The following COL14A1 variants were observed in gnomAD, a reference collection of about 807,000 sequenced individuals.
The protein encoded by COL14A1 is collagen alpha-1(XIV) chain.
Under a neutral mutation model 230.3 loss-of-function variants are expected in COL14A1, and 136 were observed. The ratio of observed to expected loss-of-function variants is 0.59; its 90% CI spans 0.51 to 0.68. The LOEUF is 0.68. Among genes scored for constraint, COL14A1 ranks in the 30% least tolerant of loss-of-function variants. The pLI, the probability that COL14A1 is intolerant of heterozygous loss-of-function variation, is 0.00. For synonymous variants in COL14A1, 792 were observed against 784.1 expected (o/e 1.01, Z -0.17); for missense variants, 1,976 against 2,215.8 (o/e 0.89, Z 2.17).
At chr8:120,220,910 C>T (rs1817915251) in intron 14 of COL14A1, among the ~76,000 whole-genome samples, 1 of 152,104 alleles carries the variant, frequency 6.6e-6, no homozygotes, top group Admixed American at 6.6e-5. Context: ...ATAATGGTGG[C>T]TAACATTTGT....
At chr8:120,238,026 C>T (rs753798778) in intron 19 of COL14A1, among the ~76,000 whole-genome samples, 1 of 152,114 alleles carries the variant, frequency 6.6e-6, no homozygotes, top group African/African-American at 2.4e-5. Flanking sequence ...CCAGCTGGAG[C>T]TCTCCTGTAT....
At chr8:120,356,654 A>G (rs569938811) in intron 45 of COL14A1, among the ~76,000 whole-genome samples, 1 of 152,202 alleles carries the variant, frequency 6.6e-6, no homozygotes, top group East Asian at 1.9e-4. Context: ...GAAAAAGTAC[A>G]GGATAACATA....
At chr8:120,273,503 A>G (rs1819737706) in intron 26 of COL14A1, among the ~76,000 whole-genome samples, 1 of 151,766 alleles carries the variant, frequency 6.6e-6, no homozygotes, top group Non-Finnish European at 1.5e-5. Context: ...GAAACAAAAA[A>G]TTGGTTCTTT....
rs539511765 is a variant in COL14A1, at chr8:120,203,250, A to G, written c.878-459A>G. Among the ~76,000 whole-genome samples the G allele has an allele frequency of 2.0e-5, 3 of 151,896 alleles. No individual in the cohort carries two copies. The South Asian group carries it at 6.3e-4, about 32-fold the overall frequency. Reference sequence around the variant, plus strand: ...TGATTTCTGTAAAAAGCAATCTCACATGAAATGTTCCTCTTTAAAGTGGCA... The same window carrying G: ...TGATTTCTGTAAAAAGCAATCTCACGTGAAATGTTCCTCTTTAAAGTGGCA... On this transcript the variant is annotated intron_variant, in intron 8 of 47. Coordinates refer to ENST00000297848, the MANE Select transcript of COL14A1 (RefSeq NM_021110.4).
At chr8:120,258,715 C>A (rs1819238206) in intron 23 of COL14A1, among the ~76,000 whole-genome samples, 1 of 152,122 alleles carries the variant, frequency 6.6e-6, no homozygotes, top group Non-Finnish European at 1.5e-5. Context: ...CTCAGTCATC[C>A]ATTTGCCAAA....
intron 32 of COL14A1, 107 bp downstream of exon 32, chr8:120,283,885 T>C (rs1293671884): frequency 2.4e-6 from 2 of 819,476 alleles, no homozygotes; most frequent in Non-Finnish European, 3.8e-6. Context: ...ACTAATCTTA[T>C]GTGATGTGTA....
intron 4 of COL14A1, among the ~76,000 whole-genome samples, chr8:120,166,877 T>TGTGTG (rs1169549268): frequency 5.1e-5 from 5 of 98,386 alleles, no homozygotes; most frequent in Non-Finnish European, 9.9e-5. Flanking sequence ...AGAATTTAAG[T>TGTGTG]GTGTGTGTGT....
chr8:120,137,776 A>G lies in COL14A1; in HGVS notation c.-37-10030A>G, dbSNP rs552968907. ...GAATTTATAAAGATATTTTATTATT[A>G]TTCATTTTTTTTTAATTAGATGAGG... is the stretch of plus-strand genomic sequence containing the variant. On this transcript the variant is annotated intron_variant, in intron 1 of 47. Transcript: ENST00000297848. Among the ~76,000 whole-genome samples the G allele has an allele frequency of 4.0e-5, 6 of 151,830 alleles. No individual in the cohort carries two copies. The South Asian group carries it at 1.2e-3, about 32-fold the overall frequency.
intron 40 of COL14A1, among the ~76,000 whole-genome samples, chr8:120,323,852 A>T (rs1459604423): frequency 6.6e-6 from 1 of 152,208 alleles, no homozygotes; most frequent in African/African-American, 2.4e-5. Flanking sequence ...ATGAAGTGTG[A>T]TGCCTCCAGC....
rs530196678 is a variant in COL14A1 at position 120,154,756 on chromosome 8, G to T, written c.89-3374G>T. On this transcript the variant is annotated intron_variant, in intron 2 of 47. Coordinates refer to ENST00000297848, the MANE Select transcript of COL14A1 (RefSeq NM_021110.4). ...ATTTTTCAGTCAAGTTCATGCAAAC[G>T]TTTATAATTATTAATGGAAGTTAAG... 1.8e-4 allele frequency among the ~76,000 whole-genome samples: 27 copies of T among 152,068 alleles called. No homozygotes were observed. In the East Asian group the frequency reaches 4.6e-3, roughly 26 times the overall value.
At chr8:120,228,558 C>A (rs1818163893) in intron 17 of COL14A1, 152 bp from the exon 18 acceptor site, 6 of 591,362 alleles carry the variant, frequency 1.0e-5, no homozygotes, top group South Asian at 4.7e-5. Context: ...GCCTTACTTA[C>A]AATTCATTTC....
At chr8:120,134,921 G>A (rs1159458413) in intron 1 of COL14A1, among the ~76,000 whole-genome samples, 12 of 152,208 alleles carry the variant, frequency 7.9e-5, no homozygotes, top group Non-Finnish European at 1.8e-4. Context: ...ATTGCAGCGA[G>A]CCAAGATTGC....
intron 14 of COL14A1, among the ~76,000 whole-genome samples, chr8:120,221,643 T>C (rs1471005203): frequency 6.6e-6 from 1 of 152,132 alleles, no homozygotes; most frequent in African/African-American, 2.4e-5. Context: ...ACCTAGATTT[T>C]AACTGCTTTT....
chr8:120,368,619 A>C (rs1201832737), intron 46 of COL14A1, among the ~76,000 whole-genome samples: 1 of 152,170 alleles, frequency 6.6e-6, no homozygotes, highest in African/African-American at 2.4e-5. Flanking sequence ...AAAAAAAAAA[A>C]AAAACATGCT....
chr8:120,200,373 T>G (rs1021850870), intron 8 of COL14A1, among the ~76,000 whole-genome samples: 1 of 152,066 alleles, frequency 6.6e-6, no homozygotes, highest in Non-Finnish European at 1.5e-5. Context: ...TGCATTTATC[T>G]TTCTGCATTT....
chr8:120,258,534 G>C (rs1819229543), intron 23 of COL14A1, among the ~76,000 whole-genome samples: 1 of 152,028 alleles, frequency 6.6e-6, no homozygotes, highest in South Asian at 2.1e-4. Flanking sequence ...TAAAGACCAA[G>C]ACTGAGGAGG....
Position 120,366,718 on chromosome 8 carries a change from C to T in COL14A1, c.5078-453C>T, listed in dbSNP as rs950588570. 7.9e-5 allele frequency among the ~76,000 whole-genome samples: 12 copies of T among 152,336 alleles called. No individual in the cohort carries two copies. The South Asian group carries it at 8.3e-4, about 11-fold the overall frequency. On this transcript the variant is annotated intron_variant, in intron 45 of 47. Coordinates refer to ENST00000297848, the MANE Select transcript of COL14A1 (RefSeq NM_021110.4). ...GCTTCCAAGTTTTAATGGAAACTCA[C>T]GCTCTTCAGAATGTTGCTGCCTAAT...
chr8:120,262,727 C>G (rs1586814155), intron 23 of COL14A1, 141 bp from the exon 24 acceptor site: 1 of 739,282 alleles, frequency 1.4e-6, no homozygotes, highest in East Asian at 2.9e-5. Flanking sequence ...AGATACAATA[C>G]TTCAAACAAA....
intron 19 of COL14A1, among the ~76,000 whole-genome samples, chr8:120,237,314 A>C (rs1818476781): frequency 6.6e-6 from 1 of 151,980 alleles, no homozygotes; most frequent in Admixed American, 6.6e-5. Context: ...ATTCCTTTTC[A>C]TTATTTTTTC....
Sources: gnomAD v4.1 joint callset for allele counts (sites outside exome capture counted in the v4.1 genomes callset) on GRCh38, gnomAD v4.1.1 for gene constraint, MANE v1.5 for transcripts, NCBI Gene and HGNC (gene_info 2026-07-23, HGNC 2026-07-21) for gene names.